Variants in UBASH3A observed in about 807,000 individuals in gnomAD.
UBASH3A encodes the protein ubiquitin-associated and SH3 domain-containing protein A.
A neutral mutation model predicts 73.5 loss-of-function variants in UBASH3A; 63 were observed. The observed-to-expected ratio is 0.86, with a 90% CI of 0.70 to 1.06. UBASH3A has a LOEUF of 1.06. Among genes scored for constraint, UBASH3A ranks in the 50% least tolerant of loss-of-function variants. UBASH3A has a pLI of 0.00. For missense variants in UBASH3A, 860 were observed against 859.0 expected (o/e 1.00, Z -0.02); for synonymous variants, 363 against 351.1 (o/e 1.03, Z -0.38).
At position 42,404,000 on chromosome 21, in the gene UBASH3A, C is replaced by T. The variant is rs549497509; in HGVS notation, c.55C>T (p.Arg19Cys). 2.2e-4 allele frequency: 343 copies of T among 1,528,316 alleles called. 3 individuals are homozygous for T. The South Asian group carries it at 3.9e-3, about 17-fold the overall frequency. 94.7% of individuals were successfully genotyped at this position (1,528,316 alleles called of 1,614,324 possible). A position where few individuals can be genotyped will look rare whatever the true frequency, so the allele number is the denominator to read the frequency against. The change falls in exon 1 of 15, where the codon CGC (arginine) becomes TGC (cysteine). Residue 19 changes from arginine (R) to cysteine (C), a missense_variant. Transcript: ENST00000319294. ...YAKVSNKLKS[R>C]SSPSLLEPLL... Reference sequence around the variant, plus strand: ...CAAGGTCTCCAACAAGCTCAAGAGCCGCAGCAGCCCCTCGCTCCTGGAGCC... The same window carrying T: ...CAAGGTCTCCAACAAGCTCAAGAGCTGCAGCAGCCCCTCGCTCCTGGAGCC...
chr21:42,443,766 A>G (rs966540913), intron 13 of UBASH3A, among the ~76,000 whole-genome samples: 2 of 149,916 alleles, frequency 1.3e-5, no homozygotes, highest in Non-Finnish European at 3.0e-5. Context: ...CAAAGTTTTC[A>G]TCACTGCTGC....
At chr21:42,446,213 A>C (rs895942990) in intron 14 of UBASH3A, among the ~76,000 whole-genome samples, 1 of 152,090 alleles carries the variant, frequency 6.6e-6, no homozygotes, top group South Asian at 2.1e-4. Flanking sequence ...GGACTTTCTT[A>C]TGCTGGTCAC....
Position 42,418,550 on chromosome 21 carries a change from C to A in UBASH3A, c.987C>A (p.Gly329=). ...IGISQRTGCR[G]FLPENYTDRA... ...TCTCACAGCGGACGGGCTGCCGGGG[C>A]TTCCTGCCGGAAAACTACACGGATC... The change falls in exon 7 of 15, where the codon GGC becomes GGA. Residue 329 remains glycine, a synonymous_variant. Transcript: ENST00000319294. 6 of 1,614,148 alleles carry A rather than the reference C, an allele frequency of 3.7e-6. No individual in the cohort carries two copies. The highest frequency in any genetic ancestry group is 5.1e-6 in the Non-Finnish European group (6 of 1,180,022).
intron 8 of UBASH3A, among the ~76,000 whole-genome samples, chr21:42,431,718 A>G (rs12482396): frequency 6.6e-6 from 1 of 152,042 alleles, no homozygotes; most frequent in African/African-American, 2.4e-5. Flanking sequence ...GACTAGATAT[A>G]TAGATAGGTA....
chr21:42,437,731 G>A (rs551566188), intron 11 of UBASH3A, 151 bp downstream of exon 11: 4 of 692,860 alleles, frequency 5.8e-6, no homozygotes, highest in East Asian at 5.4e-5. Context: ...GCCCTCCAAG[G>A]ATGCTGGCAG....
intron 7 of UBASH3A, among the ~76,000 whole-genome samples, chr21:42,421,034 T>C (rs1470799914): frequency 1.3e-5 from 2 of 152,220 alleles, no homozygotes; most frequent in African/African-American, 4.8e-5. Context: ...AAAGGAAGTC[T>C]AGGAACTGTC....
rs146186753 is a variant in UBASH3A at position 42,403,967 on chromosome 21, C to T, written c.22C>T (p.Leu8Phe). 1.3e-6 allele frequency: 2 copies of T among 1,520,958 alleles called. No individual in the cohort carries two copies. The highest frequency in any genetic ancestry group is 2.0e-5 in the Admixed American group (1 of 48,794). The allele number at this position is 1,520,958 out of a possible 1,614,324, so 94.2% of individuals were successfully genotyped here. A position where few individuals can be genotyped will look rare whatever the true frequency, so the allele number is the denominator to read the frequency against. The change falls in exon 1 of 15, where the codon CTC (leucine) becomes TTC (phenylalanine). Residue 8 changes from leucine to phenylalanine, a missense_variant. Transcript: ENST00000319294. Reference protein sequence around the residue: MAAGETQLYAKVSNKLKS... With the variant: MAAGETQFYAKVSNKLKS... ...AGAGATGGCAGCGGGGGAGACGCAGCTCTACGCCAAGGTCTCCAACAAGCT... is the reference window on the plus strand; with the variant it reads ...AGAGATGGCAGCGGGGGAGACGCAGTTCTACGCCAAGGTCTCCAACAAGCT...
chr21:42,425,702 T>C (rs1473298725), intron 7 of UBASH3A, among the ~76,000 whole-genome samples: 2 of 150,614 alleles, frequency 1.3e-5, no homozygotes, highest in Non-Finnish European at 3.0e-5. Flanking sequence ...ACGCAGATGC[T>C]GAGATGCAGA....
At chr21:42,424,921 A>T (rs1349213961) in intron 7 of UBASH3A, among the ~76,000 whole-genome samples, 2 of 152,180 alleles carry the variant, frequency 1.3e-5, no homozygotes, top group African/African-American at 4.8e-5. Flanking sequence ...GCCTGTGAGG[A>T]AACGAGGAGA....
intron 13 of UBASH3A, among the ~76,000 whole-genome samples, chr21:42,443,645 G>A (rs182435569): frequency 2.0e-4 from 29 of 148,674 alleles, no homozygotes; most frequent in African/African-American, 7.3e-4. Context: ...CCCCCATCCT[G>A]GGACTGAGTG....
chr21:42,435,026 G>A, intron 10 of UBASH3A, 72 bp downstream of exon 10: 11 of 1,568,642 alleles, frequency 7.0e-6, no homozygotes, highest in Non-Finnish European at 9.6e-6. Flanking sequence ...CAGGCATCCA[G>A]CCTGAGCCCT....
At position 42,443,316 on chromosome 21, in the gene UBASH3A, G is replaced by T; in HGVS notation, c.1636G>T (p.Ala546Ser). Residue 546 changes from alanine to serine, a missense_variant, in exon 13 of 15, where the codon GCG becomes TCG. Physicochemically the swap from Ala to Ser is moderately conservative, Grantham distance 99. Coordinates refer to ENST00000319294, the MANE Select transcript of UBASH3A (RefSeq NM_018961.4). ...NFNIDTDYRP[A>S]FPLSALMPAE... Reference sequence around the variant, plus strand: ...CTCTCCTTCTCATCCTTCCAGGCCCGCGTTTCCCCTGTCCGCCCTCATGCC... The same window carrying T: ...CTCTCCTTCTCATCCTTCCAGGCCCTCGTTTCCCCTGTCCGCCCTCATGCC... 6.2e-7 allele frequency: 1 copy of T among 1,612,480 alleles called. No homozygotes were observed.
At chr21:42,417,373 G>A (rs2053232701) in intron 6 of UBASH3A, 1 of 126,376 alleles carries the variant, frequency 7.9e-6, no homozygotes, top group African/African-American at 3.1e-5. Context: ...GCAGTGAGCA[G>A]AGATCGTACC....
chr21:42,411,865 G>A (rs2053105428), intron 3 of UBASH3A, among the ~76,000 whole-genome samples: 1 of 152,248 alleles, frequency 6.6e-6, no homozygotes, highest in African/African-American at 2.4e-5. Context: ...GAATGGACAT[G>A]TGTTCACTGG....
At chr21:42,432,025 G>T in intron 8 of UBASH3A, 78 bp from the exon 9 acceptor site, 1 of 826,116 alleles carries the variant, frequency 1.2e-6, no homozygotes, top group Non-Finnish European at 2.0e-6. Context: ...CTGGGTGACT[G>T]GGAGAGCTGC....
At chr21:42,409,270 T>A in intron 2 of UBASH3A, 152 bp from the exon 3 acceptor site, 1 of 763,568 alleles carries the variant, frequency 1.3e-6, no homozygotes, top group South Asian at 2.2e-5. Context: ...GTAGGATGGC[T>A]GTGAGATTAA....
chr21:42,415,018 G>A (rs1038832599), intron 5 of UBASH3A, among the ~76,000 whole-genome samples: 11 of 152,140 alleles, frequency 7.2e-5, no homozygotes, highest in Non-Finnish European at 1.6e-4. Flanking sequence ...CATGCTCTCA[G>A]CCTGACACCG....
intron 7 of UBASH3A, 49 bp downstream of exon 7, chr21:42,418,658 G>A: frequency 6.5e-7 from 1 of 1,538,130 alleles, no homozygotes; most frequent in Non-Finnish European, 8.9e-7. Flanking sequence ...CTGAGTTACT[G>A]TGTGAGAGTG....
chr21:42,403,978 G>A lies in UBASH3A; in HGVS notation c.33G>A (p.Lys11=). 6.6e-7 allele frequency: 1 copy of A among 1,525,700 alleles called. No individual in the cohort carries two copies. Among genetic ancestry groups the A allele is most frequent in the Non-Finnish European group, 8.8e-7 (1 of 1,132,406 alleles). 94.5% of individuals were successfully genotyped at this position (1,525,700 alleles called of 1,614,324 possible). ...CGGGGGAGACGCAGCTCTACGCCAA[G>A]GTCTCCAACAAGCTCAAGAGCCGCA... MAAGETQLYA[K]VSNKLKSRSS... The change falls in exon 1 of 15, where the codon AAG becomes AAA. Residue 11 remains lysine, a synonymous_variant. Coordinates refer to ENST00000319294, the MANE Select transcript of UBASH3A (RefSeq NM_018961.4).
Sources: gnomAD v4.1 joint callset for allele counts (sites outside exome capture counted in the v4.1 genomes callset) on GRCh38, gnomAD v4.1.1 for gene constraint, MANE v1.5 for transcripts, NCBI Gene and HGNC (gene_info 2026-07-23, HGNC 2026-07-21) for gene names.